RAB30: variants seen among roughly 807,000 people sequenced by gnomAD.
The protein encoded by RAB30 is ras-related protein Rab-30.
A neutral mutation model predicts 25.1 loss-of-function variants in RAB30; 9 were observed. The observed-to-expected ratio is 0.36, with a 90% CI of 0.22 to 0.63. The LOEUF is 0.63. Among genes scored for constraint, RAB30 ranks in the 20% least tolerant of loss-of-function variants. RAB30 has a pLI of 0.69. For missense variants in RAB30, 140 were observed against 243.5 expected (o/e 0.58, Z 2.83); for synonymous variants, 77 against 86.4 (o/e 0.89, Z 0.60).
chr11:83,020,056 C>A (rs894175787), intron 1 of RAB30, among the ~76,000 whole-genome samples: 2 of 152,270 alleles, frequency 1.3e-5, no homozygotes, highest in Non-Finnish European at 2.9e-5. Flanking sequence ...AGGAGCTCCA[C>A]CCCTTCTGAA....
chr11:83,038,196 A>G (rs1326599861), intron 1 of RAB30, among the ~76,000 whole-genome samples: 4 of 152,148 alleles, frequency 2.6e-5, no homozygotes, highest in Non-Finnish European at 5.9e-5. Context: ...TCAGGACTGG[A>G]GTTTCTCCAA....
intron 1 of RAB30, among the ~76,000 whole-genome samples, chr11:83,032,853 T>C (rs1857900353): frequency 6.6e-6 from 1 of 152,094 alleles, no homozygotes; most frequent in East Asian, 1.9e-4. Flanking sequence ...AGGGAACATT[T>C]ATACCCAATA....
chr11:83,034,323 G>A (rs763805443), intron 1 of RAB30: 2 of 152,300 alleles, frequency 1.3e-5, no homozygotes, highest in East Asian at 1.9e-4. Context: ...AAAACCCCTG[G>A]CTGCTAAGTC....
At chr11:83,048,518 T>C (rs1229980381) in intron 1 of RAB30, among the ~76,000 whole-genome samples, 1 of 152,080 alleles carries the variant, frequency 6.6e-6, no homozygotes, top group African/African-American at 2.4e-5. Context: ...TCTAAGCTCT[T>C]CATAAACCAG....
At chr11:83,058,479 A>G (rs1267445194) in intron 1 of RAB30, among the ~76,000 whole-genome samples, 1 of 152,072 alleles carries the variant, frequency 6.6e-6, no homozygotes, top group Non-Finnish European at 1.5e-5. Context: ...TTTGAAAAAT[A>G]CAGAAAAAAA....
At chr11:83,064,499 C>T (rs1015666619) in intron 1 of RAB30, among the ~76,000 whole-genome samples, 1 of 152,310 alleles carries the variant, frequency 6.6e-6, no homozygotes, top group African/African-American at 2.4e-5. Flanking sequence ...AATGTTCCTC[C>T]TGCATTGCTC....
intron 1 of RAB30, among the ~76,000 whole-genome samples, chr11:83,012,125 C>T (rs2099950073): frequency 6.6e-6 from 1 of 152,120 alleles, no homozygotes; most frequent in Non-Finnish European, 1.5e-5. Flanking sequence ...CTTCCAAAGA[C>T]TCTGTCCTCT....
chr11:83,050,484 T>C (rs886895664), intron 1 of RAB30, among the ~76,000 whole-genome samples: 1 of 152,096 alleles, frequency 6.6e-6, no homozygotes, highest in Non-Finnish European at 1.5e-5. Context: ...AGGGGATCGC[T>C]GAAAATGAAA....
rs557704051 is a variant in RAB30, at chr11:82,980,226, G to A, written c.*1939C>T. 1 of 152,084 alleles carries A rather than the reference G, an allele frequency of 6.6e-6. No individual in the cohort carries two copies. The highest frequency in any genetic ancestry group is 1.9e-4 in the East Asian group (1 of 5,198). 9.4% of individuals were successfully genotyped at this position (152,084 alleles called of 1,614,324 possible). A position where few individuals can be genotyped will look rare whatever the true frequency, so the allele number is the denominator to read the frequency against. On this transcript the variant is annotated 3_prime_UTR_variant, in exon 5 of 5. Coordinates refer to ENST00000527633, the MANE Select transcript of RAB30 (RefSeq NM_001286060.2). ...GGCAACAATTATTATAAATTATTTT[G>A]GTTTTTATTAAAATGACTTTTCTTT...
chr11:83,051,657 G>A (rs1186220325), intron 1 of RAB30, among the ~76,000 whole-genome samples: 2 of 151,376 alleles, frequency 1.3e-5, no homozygotes, highest in Admixed American at 1.3e-4. Context: ...AGGGCTTCTA[G>A]CTTTAAACTC....
intron 1 of RAB30, among the ~76,000 whole-genome samples, chr11:83,023,765 C>A (rs1406638130): frequency 2.6e-5 from 4 of 152,180 alleles, no homozygotes; most frequent in African/African-American, 9.7e-5. Flanking sequence ...CAATTCTCAC[C>A]AAACTCACAT....
chr11:82,987,445 A>G (rs930864543), intron 4 of RAB30, 142 bp downstream of exon 4: 4 of 771,752 alleles, frequency 5.2e-6, no homozygotes, highest in African/African-American at 3.6e-5. Flanking sequence ...TTTCTCTTCA[A>G]TTGCAGAAGA....
chr11:82,984,406 G>A (rs553738514), intron 4 of RAB30, among the ~76,000 whole-genome samples: 1 of 152,146 alleles, frequency 6.6e-6, no homozygotes, highest in Non-Finnish European at 1.5e-5. Flanking sequence ...TACTAGAATC[G>A]TCTGGGGGTT....
At chr11:83,065,503 T>C (rs1441548102) in intron 1 of RAB30, among the ~76,000 whole-genome samples, 1 of 152,116 alleles carries the variant, frequency 6.6e-6, no homozygotes, top group Non-Finnish European at 1.5e-5. Flanking sequence ...TCAAGTAATC[T>C]TCCTGCCGTG....
At position 83,013,070 on chromosome 11, in the gene RAB30, A is replaced by T. The variant is rs188202570; in HGVS notation, c.-8-15746T>A. On this transcript the variant is annotated intron_variant, in intron 1 of 4. Coordinates refer to ENST00000527633, the MANE Select transcript of RAB30 (RefSeq NM_001286060.2). ...GTTTCTCCATAGACACTTTTTTTTAAAATTTATTTTCATTTTTATTTTTAT... is the reference window on the plus strand; with the variant it reads ...GTTTCTCCATAGACACTTTTTTTTATAATTTATTTTCATTTTTATTTTTAT... Among the ~76,000 whole-genome samples, 11 of 151,894 alleles carry T rather than the reference A, an allele frequency of 7.2e-5. No homozygotes were observed. The East Asian group carries it at 2.1e-3, about 29-fold the overall frequency.
chr11:83,037,689 C>T (rs1036398906), intron 1 of RAB30, among the ~76,000 whole-genome samples: 1 of 151,754 alleles, frequency 6.6e-6, no homozygotes, highest in Non-Finnish European at 1.5e-5. Flanking sequence ...GGAGGAGAAG[C>T]AAAATGCTCG....
At chr11:83,031,148 C>T (rs1278274208) in intron 1 of RAB30, among the ~76,000 whole-genome samples, 2 of 152,244 alleles carry the variant, frequency 1.3e-5, no homozygotes, top group East Asian at 1.9e-4. Context: ...TCTTGGACTC[C>T]TAGCCTCCAG....
At chr11:82,985,261 A>C (rs1032996383) in intron 4 of RAB30, among the ~76,000 whole-genome samples, 6 of 152,244 alleles carry the variant, frequency 3.9e-5, no homozygotes, top group Non-Finnish European at 7.3e-5. Context: ...CACCATGCCC[A>C]GCCCATCAAA....
chr11:82,988,857 G>A (rs1473780597), intron 3 of RAB30, among the ~76,000 whole-genome samples: 1 of 152,106 alleles, frequency 6.6e-6, no homozygotes, highest in Non-Finnish European at 1.5e-5. Context: ...CCTCAGGAAG[G>A]CTTTCCAGAA....
Sources: allele counts gnomAD v4.1 joint callset (sites outside exome capture counted in the v4.1 genomes callset), GRCh38; gene constraint gnomAD v4.1.1; transcripts MANE v1.5; gene names NCBI Gene and HGNC (gene_info 2026-07-23, HGNC 2026-07-21).